ZMYND11: variants seen among roughly 807,000 people sequenced by gnomAD.
The protein encoded by ZMYND11 is zinc finger MYND domain-containing protein 11.
A neutral mutation model predicts 84.9 loss-of-function variants in ZMYND11; 9 were observed. The ratio of observed to expected loss-of-function variants is 0.11; its 90% confidence interval spans 0.06 to 0.18. The LOEUF (loss-of-function observed/expected upper bound fraction) is 0.18. Among genes scored for constraint, ZMYND11 ranks in the 10% least tolerant of loss-of-function variants. The pLI, the probability that ZMYND11 is intolerant of heterozygous loss-of-function variation, is 1.00. For missense variants in ZMYND11, 409 were observed against 761.0 expected (o/e 0.54, Z 5.44); for synonymous variants, 250 against 244.1 (o/e 1.02, Z -0.23).
chr10:190,066 G>A (rs1396957712), intron 2 of ZMYND11, among the ~76,000 whole-genome samples: 2 of 152,192 alleles, frequency 1.3e-5, no homozygotes, highest in Non-Finnish European at 2.9e-5. Context: ...TTTTTATCCT[G>A]TAGCGAGAGG....
At chr10:175,403 A>G (rs533537303) in intron 1 of ZMYND11, among the ~76,000 whole-genome samples, 4 of 152,118 alleles carry the variant, frequency 2.6e-5, no homozygotes, top group Non-Finnish European at 1.5e-5. Context: ...CCCCATCTCT[A>G]CTAAAAATAC....
intron 1 of ZMYND11, among the ~76,000 whole-genome samples, chr10:176,281 T>A (rs1415134213): frequency 6.6e-6 from 1 of 152,122 alleles, no homozygotes; most frequent in African/African-American, 2.4e-5. Context: ...TTTTTATTTT[T>A]TTTTTTAACT....
intron 2 of ZMYND11, among the ~76,000 whole-genome samples, chr10:194,735 A>AT (rs200491528): frequency 0.02 from 3,074 of 152,172 alleles, 97 homozygotes; most frequent in African/African-American, 0.07. Flanking sequence ...TCCTTTGCCC[A>AT]TTTTTTTATG....
chr10:136,002 C>G (rs1835926830), intron 1 of ZMYND11, among the ~76,000 whole-genome samples: 2 of 150,974 alleles, frequency 1.3e-5, no homozygotes, highest in African/African-American at 2.4e-5. Context: ...GTGTGGCGGG[C>G]GGAGAGGAAG....
intron 3 of ZMYND11, among the ~76,000 whole-genome samples, chr10:220,381 G>T (rs2097437090): frequency 6.6e-6 from 1 of 151,992 alleles, no homozygotes; most frequent in Non-Finnish European, 1.5e-5. Context: ...TATAAATAAT[G>T]AATTCTAAAT....
intron 2 of ZMYND11, among the ~76,000 whole-genome samples, chr10:205,767 T>G (rs1485299062): frequency 1.3e-5 from 2 of 152,100 alleles, no homozygotes; most frequent in African/African-American, 2.4e-5. Flanking sequence ...TAGCTTTTCA[T>G]TTAGATCTTT....
chr10:238,106 TATG>T (rs932516023), intron 6 of ZMYND11, among the ~76,000 whole-genome samples: 1 of 152,178 alleles, frequency 6.6e-6, no homozygotes, highest in African/African-American at 2.4e-5. Context: ...CAAAAAAAAT[TATG>T]ATTAGAAAAG....
intron 4 of ZMYND11, among the ~76,000 whole-genome samples, chr10:228,847 T>TA (rs1948545829): frequency 6.6e-6 from 1 of 152,192 alleles, no homozygotes; most frequent in Non-Finnish European, 1.5e-5. Flanking sequence ...CCGAGGGGCT[T>TA]AAAGTTACCA....
At chr10:158,950 T>C (rs1842312582) in intron 1 of ZMYND11, among the ~76,000 whole-genome samples, 2 of 151,280 alleles carry the variant, frequency 1.3e-5, no homozygotes. Context: ...CAAATAGAAC[T>C]TCTTTATCAG....
chr10:157,624 T>A (rs1316968609), intron 1 of ZMYND11, among the ~76,000 whole-genome samples: 5 of 152,186 alleles, frequency 3.3e-5, no homozygotes, highest in Non-Finnish European at 5.9e-5. Flanking sequence ...AAATCAGGAA[T>A]CCTGGTTTGG....
chr10:202,737 A>G (rs1376919735), intron 2 of ZMYND11, among the ~76,000 whole-genome samples: 2 of 152,282 alleles, frequency 1.3e-5, no homozygotes, highest in East Asian at 1.9e-4. Flanking sequence ...TAGTCCCTCA[A>G]AGACCAAAGA....
rs7901346 is a variant in ZMYND11 at position 240,248 on chromosome 10, G to A, written c.753+137G>A. ...TTGCCGGGCGTGGGGGCTCACGCCT[G>A]TAATCCCAGCACTTTGGGAGGCCAA... On this transcript the variant is annotated intron_variant, in intron 8 of 14. Transcript: ENST00000381604. 1,667 of 706,690 alleles carry A rather than the reference G, an allele frequency of 2.4e-3. 24 individuals are homozygous for A. The African/African-American group carries it at 0.028, about 12-fold the overall frequency. The allele number at this position is 706,690 out of a possible 1,614,324, so 43.8% of individuals were successfully genotyped here.
At chr10:153,945 T>C (rs1222825881) in intron 1 of ZMYND11, among the ~76,000 whole-genome samples, 1 of 152,246 alleles carries the variant, frequency 6.6e-6, no homozygotes, top group Non-Finnish European at 1.5e-5. Context: ...TATCACCTTT[T>C]GAACATGAGA....
intron 2 of ZMYND11, among the ~76,000 whole-genome samples, chr10:201,046 A>G (rs537991728): frequency 3.7e-4 from 56 of 151,998 alleles, no homozygotes; most frequent in Admixed American, 8.5e-4. Flanking sequence ...TATACTCATA[A>G]AGTCTTTTGA....
In ZMYND11 at chr10:160,121, A is replaced by G. The variant is rs181532109; in HGVS notation, c.-19-19873A>G. On this transcript the variant is annotated intron_variant, in intron 1 of 14. Transcript: ENST00000381604. ...AAGTAAAATGATGGCTTTGAAGCTG[A>G]TATGTATACAGGCGTACCCTGGATA... 9.2e-5 allele frequency among the ~76,000 whole-genome samples: 14 copies of G among 152,332 alleles called. No homozygotes were observed. The East Asian group carries it at 2.7e-3, about 29-fold the overall frequency.
Position 248,326 on chromosome 10 carries a change from C to T in ZMYND11, c.1228-10C>T. 1 of 1,610,762 alleles carries T rather than the reference C, an allele frequency of 6.2e-7. No homozygotes were observed. The highest frequency in any genetic ancestry group is 8.5e-7 in the Non-Finnish European group (1 of 1,177,902). The stretch of plus-strand genomic sequence containing the variant: ...TCGTTTGGCGTCTAAACTCTTGTCT[C>T]ACCTTTTAGGAACCAGAGCCTGAAA... On this transcript the variant is annotated splice_polypyrimidine_tract_variant and intron_variant, in intron 12 of 14. Coordinates refer to ENST00000381604, the MANE Select transcript of ZMYND11 (RefSeq NM_001370100.5).
chr10:235,129 G>A (rs993116696), intron 4 of ZMYND11, among the ~76,000 whole-genome samples: 2 of 152,130 alleles, frequency 1.3e-5, no homozygotes, highest in African/African-American at 4.8e-5. Context: ...ACACCATTAA[G>A]TATATATAAT....
chr10:211,601 C>A (rs1305116157), intron 3 of ZMYND11, among the ~76,000 whole-genome samples: 1 of 152,262 alleles, frequency 6.6e-6, no homozygotes, highest in African/African-American at 2.4e-5. Context: ...AAGCTGTTCA[C>A]TTCTTTAACT....
intron 2 of ZMYND11, among the ~76,000 whole-genome samples, chr10:183,240 G>C (rs1453869458): frequency 9.3e-6 from 1 of 108,016 alleles, no homozygotes; most frequent in East Asian, 2.7e-4. Flanking sequence ...TTTTTTTTTT[G>C]GAACTGATTG....
Sources: allele counts gnomAD v4.1 joint callset (sites outside exome capture counted in the v4.1 genomes callset), GRCh38; gene constraint gnomAD v4.1.1; transcripts MANE v1.5; gene names NCBI Gene and HGNC (gene_info 2026-07-23, HGNC 2026-07-21).